The following TNRC6A variants were observed in gnomAD, a reference collection of about 807,000 sequenced individuals.
The protein encoded by TNRC6A is trinucleotide repeat containing adaptor 6A, also known as trinucleotide repeat-containing gene 6A protein.
TNRC6A carries 44 observed loss-of-function variants against 221.2 expected under a neutral mutation model. That is an observed-to-expected ratio of 0.20 (90% CI 0.16 to 0.26). The LOEUF (loss-of-function observed/expected upper bound fraction) is 0.26. TNRC6A is among the 10% of genes least tolerant of loss of function. The pLI is 1.00. For missense variants in TNRC6A, 2,199 were observed against 2,404.4 expected (o/e 0.91, Z 1.79); for synonymous variants, 847 against 838.5 (o/e 1.01, Z -0.18).
intron 2 of TNRC6A, among the ~76,000 whole-genome samples, chr16:24,677,015 C>T (rs974947450): frequency 6.6e-6 from 1 of 152,042 alleles, no homozygotes; most frequent in East Asian, 1.9e-4. Context: ...TATTGTCTGT[C>T]GCCAATTCAG....
chr16:24,735,275 T>C (rs2056738945), intron 2 of TNRC6A, among the ~76,000 whole-genome samples: 1 of 152,088 alleles, frequency 6.6e-6, no homozygotes, highest in Non-Finnish European at 1.5e-5. Context: ...TGAAACTCTG[T>C]TTCGAAAGAA....
chr16:24,777,371 A>G lies in TNRC6A; in HGVS notation c.589+13A>G. The G allele has an allele frequency of 1.3e-6, 2 of 1,598,484 alleles. No homozygotes were observed. The highest frequency in any genetic ancestry group is 1.7e-6 in the Non-Finnish European group (2 of 1,174,856). ...AAAAACCAGTCAGGTGAGAGAAGGCATTTCTTACGAGACTCACACCTTATC... is the reference window on the plus strand; with the variant it reads ...AAAAACCAGTCAGGTGAGAGAAGGCGTTTCTTACGAGACTCACACCTTATC... On this transcript the variant is annotated intron_variant, in intron 5 of 24. Coordinates refer to ENST00000395799, the MANE Select transcript of TNRC6A (RefSeq NM_014494.4).
chr16:24,778,172 C>T (rs1009119722), intron 5 of TNRC6A, among the ~76,000 whole-genome samples: 1 of 152,156 alleles, frequency 6.6e-6, no homozygotes, highest in Non-Finnish European at 1.5e-5. Flanking sequence ...CCTTACATCC[C>T]GGTGCCCCCA....
chr16:24,784,732 G>C (rs1246690984), intron 5 of TNRC6A, among the ~76,000 whole-genome samples: 1 of 152,124 alleles, frequency 6.6e-6, no homozygotes, highest in Non-Finnish European at 1.5e-5. Context: ...GTGGCTTCTA[G>C]ATTAAAAATG....
chr16:24,822,186 A>C (rs2058778544), intron 23 of TNRC6A, 39 bp downstream of exon 23: 1 of 1,601,260 alleles, frequency 6.2e-7, no homozygotes, highest in Non-Finnish European at 8.6e-7. Context: ...TGGCTACGCC[A>C]GGGAGCATGG....
At chr16:24,634,718 G>T (rs1901535839) in intron 1 of TNRC6A, among the ~76,000 whole-genome samples, 1 of 152,144 alleles carries the variant, frequency 6.6e-6, no homozygotes, top group South Asian at 2.1e-4. Context: ...TTCATTCGGG[G>T]ATTCCAGATT....
At chr16:24,665,481 G>A (rs1399523669) in intron 2 of TNRC6A, among the ~76,000 whole-genome samples, 1 of 152,178 alleles carries the variant, frequency 6.6e-6, no homozygotes, top group East Asian at 1.9e-4. Context: ...TGAATCTAAT[G>A]TGTAGCCAGG....
Position 24,794,658 on chromosome 16 carries a change from C to T in TNRC6A, c.3467C>T (p.Ser1156Leu), listed in dbSNP as rs753034847. ...GAGATTGGAATGTGGAATAGTAATT[C>T]ATCTCAAGAGCTTAACTCATCTTTA... ...DVEIGMWNSNSSQELNSSLNW... is the reference protein window; with the variant it reads ...DVEIGMWNSNLSQELNSSLNW... The change falls in exon 8 of 25, where the codon TCA becomes TTA. Residue 1156 changes from serine (S) to leucine (L), a missense_variant. Transcript: ENST00000395799. The T allele has an allele frequency of 2.2e-5, 36 of 1,613,786 alleles. No homozygotes were observed. The highest frequency in any genetic ancestry group is 2.9e-5 in the Non-Finnish European group (34 of 1,179,818).
At chr16:24,706,275 G>A (rs1437207194) in intron 2 of TNRC6A, among the ~76,000 whole-genome samples, 1 of 152,024 alleles carries the variant, frequency 6.6e-6, no homozygotes, top group Non-Finnish European at 1.5e-5. Context: ...TTTTTTGGAA[G>A]TAGCCTCATT....
chr16:24,643,203 A>G (rs1031985207), intron 2 of TNRC6A, among the ~76,000 whole-genome samples: 20 of 149,870 alleles, frequency 1.3e-4, no homozygotes, highest in Middle Eastern at 6.9e-3. Flanking sequence ...ATGCTGAGAC[A>G]GGAAACAGGC....
At chr16:24,794,162 A>G (rs1477583455) in intron 7 of TNRC6A, among the ~76,000 whole-genome samples, 1 of 152,008 alleles carries the variant, frequency 6.6e-6, no homozygotes, top group Non-Finnish European at 1.5e-5. Context: ...GGCTTTGAAT[A>G]CTCTCTGGCC....
At chr16:24,629,565 C>T (rs531495694) in intron 1 of TNRC6A, among the ~76,000 whole-genome samples, 2 of 152,152 alleles carry the variant, frequency 1.3e-5, no homozygotes, top group Non-Finnish European at 2.9e-5. Flanking sequence ...CTCCAGTTGA[C>T]CGCCCAGTAC....
chr16:24,639,692 A>G (rs1901834098), intron 1 of TNRC6A, among the ~76,000 whole-genome samples: 1 of 151,990 alleles, frequency 6.6e-6, no homozygotes, highest in African/African-American at 2.4e-5. Flanking sequence ...CCCAGGCTTG[A>G]GTACATGGTG....
intron 2 of TNRC6A, among the ~76,000 whole-genome samples, chr16:24,665,797 A>T (rs2055146085): frequency 1.3e-5 from 2 of 152,144 alleles, no homozygotes; most frequent in African/African-American, 2.4e-5. Flanking sequence ...CCTTGCAAGA[A>T]TTATTGAAGT....
At position 24,791,683 on chromosome 16, in the gene TNRC6A, A is replaced by C. The variant is rs753920631; in HGVS notation, c.3041A>C (p.Tyr1014Ser). The C allele has an allele frequency of 6.2e-7, 1 of 1,613,938 alleles. No homozygotes were observed. The highest frequency in any genetic ancestry group is 8.5e-7 in the Non-Finnish European group (1 of 1,179,938). Reference protein sequence around the residue: ...GTSAWGDPSKYNYKNVNMWNK... With the variant: ...GTSAWGDPSKSNYKNVNMWNK... ...TCAGCTTGGGGAGATCCAAGCAAAT[A>C]CAACTACAAAAATGTGAACATGTGG... is the stretch of plus-strand genomic sequence containing the variant. Residue 1014 changes from tyrosine (Y) to serine (S), a missense_variant, in exon 6 of 25, where the codon TAC becomes TCC. Tyr to Ser is a moderately radical substitution (Grantham distance 144). Transcript: ENST00000395799.
intron 2 of TNRC6A, among the ~76,000 whole-genome samples, chr16:24,745,801 C>CG (rs142864473): frequency 0.05 from 7,329 of 146,942 alleles, 304 homozygotes; most frequent in Middle Eastern, 0.085. Context: ...ACCATCCCCC[C>CG]CCCCCCCAGC....
At chr16:24,616,343 A>C (rs939306288) in intron 1 of TNRC6A, among the ~76,000 whole-genome samples, 1 of 106,600 alleles carries the variant, frequency 9.4e-6, no homozygotes, top group African/African-American at 3.4e-5. Context: ...AAAAAAAAAA[A>C]AGAAGAAGAA....
intron 2 of TNRC6A, among the ~76,000 whole-genome samples, chr16:24,742,361 A>G (rs1357120188): frequency 6.6e-6 from 1 of 152,210 alleles, no homozygotes; most frequent in East Asian, 1.9e-4. Flanking sequence ...TCTTCACTGC[A>G]TGCTATGCTG....
intron 1 of TNRC6A, among the ~76,000 whole-genome samples, chr16:24,610,997 G>C (rs971870569): frequency 2.0e-5 from 3 of 152,014 alleles, no homozygotes; most frequent in Non-Finnish European, 4.4e-5. Flanking sequence ...ATTTTTAGTA[G>C]AGATGGGGTT....
Sources: allele counts gnomAD v4.1 joint callset (sites outside exome capture counted in the v4.1 genomes callset), GRCh38; gene constraint gnomAD v4.1.1; transcripts MANE v1.5; gene names NCBI Gene and HGNC (gene_info 2026-07-23, HGNC 2026-07-21).